Variants in CHD7 observed in about 807,000 individuals in gnomAD.
The protein encoded by CHD7 is ATP-dependent chromatin remodeler CHD7.
Under a neutral mutation model 307.3 loss-of-function variants are expected in CHD7, and 24 were observed. That is an observed-to-expected ratio of 0.08 (90% CI 0.06 to 0.11). The LOEUF (loss-of-function observed/expected upper bound fraction) is 0.11, where lower values mean the gene tolerates loss of function less well. CHD7 is among the 10% of genes least tolerant of loss of function. The pLI, the probability that CHD7 is intolerant of heterozygous loss-of-function variation, is 1.00. For missense variants in CHD7, 3,106 were observed against 3,727.1 expected (o/e 0.83, Z 4.34); for synonymous variants, 1,363 against 1,349.9 (o/e 1.01, Z -0.21).
rs187305514 is a variant in CHD7, at chr8:60,836,397, T to G, written c.3989+114T>G. On this transcript the variant is annotated intron_variant, in intron 16 of 37. Transcript: ENST00000423902. Reference sequence around the variant, plus strand: ...GATAAAGGGGCTAGAATGGGGGAAGTGCATCACATGTCATTTTTAAAACTA... The same window carrying G: ...GATAAAGGGGCTAGAATGGGGGAAGGGCATCACATGTCATTTTTAAAACTA... 2,221 of 765,998 alleles carry G rather than the reference T, an allele frequency of 2.9e-3. 17 individuals are homozygous for G. Among genetic ancestry groups the G allele is most frequent in the South Asian group, 0.011 (545 of 51,870 alleles). The allele number at this position is 765,998 out of a possible 1,614,324, so 47.5% of individuals were successfully genotyped here.
intron 8 of CHD7, among the ~76,000 whole-genome samples, chr8:60,818,962 C>CT (rs1050755555): frequency 3.3e-5 from 5 of 152,056 alleles, no homozygotes; most frequent in African/African-American, 1.2e-4. Context: ...GTCTATAACT[C>CT]TTTTTTTGAG....
chr8:60,772,734 TGAA>T (rs1397264340), intron 2 of CHD7, among the ~76,000 whole-genome samples: 1 of 152,200 alleles, frequency 6.6e-6, no homozygotes, highest in African/African-American at 2.4e-5. Flanking sequence ...TGCAAGGTGA[TGAA>T]GAAAAGAGAG....
At chr8:60,751,351 TA>T (rs1809633749) in intron 2 of CHD7, among the ~76,000 whole-genome samples, 1 of 152,222 alleles carries the variant, frequency 6.6e-6, no homozygotes, top group Non-Finnish European at 1.5e-5. Context: ...TCTTCCCTGT[TA>T]TAATAATCTT....
intron 29 of CHD7, 23 bp downstream of exon 29, chr8:60,852,270 C>A: frequency 6.3e-7 from 1 of 1,598,646 alleles, no homozygotes; most frequent in Non-Finnish European, 8.6e-7. Context: ...AAGGTTTCCA[C>A]TCAGCTCCCG....
intron 3 of CHD7, among the ~76,000 whole-genome samples, chr8:60,791,812 C>T (rs1050120921): frequency 3.9e-5 from 6 of 152,170 alleles, no homozygotes; most frequent in Non-Finnish European, 8.8e-5. Context: ...TGTTTGCTTG[C>T]TTATTCTTTT....
chr8:60,766,968 G>T (rs947575675), intron 2 of CHD7, among the ~76,000 whole-genome samples: 2 of 152,194 alleles, frequency 1.3e-5, no homozygotes. Context: ...ATCCAAACTC[G>T]GAGGCCTGGA....
intron 37 of CHD7, chr8:60,864,755 CT>C: frequency 2.1e-6 from 1 of 468,970 alleles, no homozygotes; most frequent in South Asian, 2.7e-5. Context: ...TGTATGATTT[CT>C]TGAGTTAGTT....
At chr8:60,766,536 T>G (rs1479333740) in intron 2 of CHD7, among the ~76,000 whole-genome samples, 2 of 152,192 alleles carry the variant, frequency 1.3e-5, no homozygotes, top group African/African-American at 4.8e-5. Context: ...AGGTGACTGC[T>G]GTAGTCCAGG....
At chr8:60,816,776 G>A (rs1344815324) in intron 8 of CHD7, among the ~76,000 whole-genome samples, 1 of 152,220 alleles carries the variant, frequency 6.6e-6, no homozygotes, top group Non-Finnish European at 1.5e-5. Flanking sequence ...GTTAGCAGAT[G>A]ATGAAATTAA....
At chr8:60,703,388 G>A (rs1276791446) in intron 1 of CHD7, among the ~76,000 whole-genome samples, 1 of 152,208 alleles carries the variant, frequency 6.6e-6, no homozygotes, top group Middle Eastern at 3.4e-3. Context: ...GAAAGGCCTG[G>A]GGAAGAACAT....
chr8:60,827,543 A>G (rs1804309499), intron 13 of CHD7, among the ~76,000 whole-genome samples: 1 of 152,140 alleles, frequency 6.6e-6, no homozygotes. Flanking sequence ...GTGTGGTGAT[A>G]CTTTAGAAAA....
chr8:60,739,539 C>T (rs1021968102), intron 1 of CHD7, among the ~76,000 whole-genome samples: 5 of 152,194 alleles, frequency 3.3e-5, no homozygotes, highest in Non-Finnish European at 7.4e-5. Context: ...ACCCATCTGA[C>T]CTCTGTATTT....
Position 60,800,077 on chromosome 8 carries a change from C to A in CHD7, c.2239-311C>A, listed in dbSNP as rs114962047. Among the ~76,000 whole-genome samples, 1,148 of 151,986 alleles carry A rather than the reference C, an allele frequency of 7.6e-3. 18 individuals are homozygous for A. Among genetic ancestry groups the A allele is most frequent in the African/African-American group, 0.026 (1,068 of 41,426 alleles). ...ACGCAGTCTTGCTCTGTCGTCCAGA[C>A]TGCAGTGCAGTGGCGAAATCTCGGC... is the stretch of plus-strand genomic sequence containing the variant. On this transcript the variant is annotated intron_variant, in intron 4 of 37. Transcript: ENST00000423902.
Position 60,755,605 on chromosome 8 carries a change from TTATC to T in CHD7, c.1665+12511_1665+12514del, listed in dbSNP as rs1335021294. On this transcript the variant is annotated intron_variant, in intron 2 of 37. Transcript: ENST00000423902. ...TGAAAAAAGTAAACAGAAAACCTATTTATCTAATGTCCATCAGTTGTAATATGTT... is the reference window on the plus strand; with the variant it reads ...TGAAAAAAGTAAACAGAAAACCTATTTAATGTCCATCAGTTGTAATATGTT... Among the ~76,000 whole-genome samples, 15 of 152,138 alleles carry T rather than the reference TTATC, an allele frequency of 9.9e-5. 1 individual carries two copies. The highest frequency in any genetic ancestry group is 4.1e-4 in the South Asian group (2 of 4,836).
chr8:60,856,993 A>C, intron 34 of CHD7, 105 bp downstream of exon 34: 1 of 988,882 alleles, frequency 1.0e-6, no homozygotes, highest in African/African-American at 1.6e-5. Flanking sequence ...CATTGTATGA[A>C]AGCCAGCTTC....
intron 4 of CHD7, among the ~76,000 whole-genome samples, chr8:60,796,229 C>T (rs1673658398): frequency 6.6e-6 from 1 of 152,154 alleles, no homozygotes; most frequent in South Asian, 2.1e-4. Context: ...ATACCTTTGG[C>T]AGTGTGGGTT....
chr8:60,742,467 A>C lies in CHD7; in HGVS notation c.1035A>C (p.Pro345=), dbSNP rs992152858. The C allele has an allele frequency of 5.6e-6, 9 of 1,614,040 alleles. No homozygotes were observed. The highest frequency in any genetic ancestry group is 1.3e-5 in the African/African-American group (1 of 75,048). The part of the protein sequence containing the change: ...TNNTPMNQSV[P]RYPNAVGFPS... ...ATACTCCAATGAATCAGTCCGTACC[A>C]AGATACCCCAATGCTGTAGGATTCC... Residue 345 remains proline, a synonymous_variant, in exon 2 of 38, where the codon CCA becomes CCC. Transcript: ENST00000423902.
At chr8:60,681,829 C>G (rs1035584569) in intron 1 of CHD7, among the ~76,000 whole-genome samples, 4 of 151,990 alleles carry the variant, frequency 2.6e-5, no homozygotes, top group African/African-American at 4.8e-5. Context: ...CTAAATTGAA[C>G]CATGATGAAT....
intron 1 of CHD7, among the ~76,000 whole-genome samples, chr8:60,737,375 C>G (rs2150571382): frequency 6.6e-6 from 1 of 152,236 alleles, no homozygotes; most frequent in African/African-American, 2.4e-5. Flanking sequence ...GCTGCTGTTT[C>G]ATTCATTCAT....
Sources: allele counts gnomAD v4.1 joint callset (sites outside exome capture counted in the v4.1 genomes callset), GRCh38; gene constraint gnomAD v4.1.1; transcripts MANE v1.5; gene names NCBI Gene and HGNC (gene_info 2026-07-23, HGNC 2026-07-21).